Variants in MAFG observed in about 807,000 individuals in gnomAD.
MAFG encodes the protein transcription factor MafG.
A neutral mutation model predicts 12.2 loss-of-function variants in MAFG; 3 were observed. That is an observed-to-expected ratio of 0.25 (90% CI 0.11 to 0.64). The LOEUF (loss-of-function observed/expected upper bound fraction) is 0.64. MAFG is among the 30% of genes least tolerant of loss of function. The probability of loss-of-function intolerance (pLI) is 0.85; values close to 1 mark genes in which losing one functional copy is unlikely to be tolerated. For missense variants in MAFG, 153 were observed against 235.5 expected (o/e 0.65, Z 2.29); for synonymous variants, 126 against 109.1 (o/e 1.15, Z -0.96).
At chr17:81,929,027 CGGTGCCGT>C (rs2040964366), upstream of MAFG, among the ~76,000 whole-genome samples, 1 of 152,220 alleles carries the variant, frequency 6.6e-6, no homozygotes, top group Non-Finnish European at 1.5e-5. The surrounding 1 kb of genome is among the most constrained non-coding windows in gnomAD (Gnocchi z 5.7). Flanking sequence ...GCTGGAGCCA[CGGTGCCGT>C]CAGGAGCCAG....
chr17:81,927,435 C>T (rs2040950752), intron 1 of MAFG, 93 bp downstream of exon 1: 1 of 149,644 alleles, frequency 6.7e-6, no homozygotes, highest in African/African-American at 2.4e-5. Flanking sequence ...CCGCCTAGCT[C>T]CGGGAGGAGC....
chr17:81,927,466 G>A (rs1035190337), intron 1 of MAFG, 62 bp downstream of exon 1: 2 of 145,800 alleles, frequency 1.4e-5, no homozygotes, highest in South Asian at 1.8e-4. Context: ...CGCCCCCTCG[G>A]CCCCCGCCGC....
chr17:81,930,084 G>A (rs1187796283), upstream of MAFG: 1 of 152,410 alleles, frequency 6.6e-6, no homozygotes, highest in Non-Finnish European at 1.5e-5. The surrounding 1 kb of genome is among the most constrained non-coding windows in gnomAD (Gnocchi z 4.1). Context: ...GGTTCCTCCT[G>A]AGAGCAGCAG....
intron 1 of MAFG, among the ~76,000 whole-genome samples, chr17:81,927,288 C>G (rs2040949395): frequency 1.3e-5 from 2 of 151,454 alleles, no homozygotes; most frequent in Admixed American, 1.3e-4. Context: ...CCGCCGCCCG[C>G]GGCCCACCTC....
rs765240272 is a variant in MAFG at position 81,924,989 on chromosome 17, G to T, written c.-29-1775C>A. On this transcript the variant is annotated intron_variant, in intron 1 of 2. Coordinates refer to ENST00000357736, the MANE Select transcript of MAFG (RefSeq NM_002359.4). This position sits in a 1 kb window ranked among gnomAD's most constrained non-coding sequence, Gnocchi z 4.7. ...CGCAGAAGGCCTGAACTCAGCACAA[G>T]TGCAAGCCATCGCCTCCTATCAAAG... 2.0e-5 allele frequency among the ~76,000 whole-genome samples: 3 copies of T among 152,250 alleles called. No individual in the cohort carries two copies. The highest frequency in any genetic ancestry group is 6.5e-5 in the Admixed American group (1 of 15,288).
At position 81,919,282 on chromosome 17, in the gene MAFG, G is replaced by A. The variant is rs1298836088; in HGVS notation, c.*3323C>T. The A allele has an allele frequency of 6.6e-6, 1 of 152,284 alleles. No individual in the cohort carries two copies. Among genetic ancestry groups the A allele is most frequent in the African/African-American group, 2.4e-5 (1 of 41,474 alleles). 9.4% of individuals were successfully genotyped at this position (152,284 alleles called of 1,614,324 possible). A position where few individuals can be genotyped will look rare whatever the true frequency, so the allele number is the denominator to read the frequency against. ...GCGCTTTGGCCAAGTGGCCACTCCA[G>A]AGGGAGGCAGCAGGGACAACATGGG... On this transcript the variant is annotated 3_prime_UTR_variant, in exon 3 of 3. Transcript: ENST00000357736.
intron 1 of MAFG, 154 bp from the exon 2 acceptor site, chr17:81,923,368 C>G: frequency 3.6e-6 from 2 of 549,762 alleles, no homozygotes; most frequent in South Asian, 4.9e-5. Flanking sequence ...AGGAGGCAGC[C>G]CTTGGCCTCT....
In MAFG at chr17:81,926,453, C is replaced by T. The variant is rs951598195; in HGVS notation, c.-30+1075G>A. On this transcript the variant is annotated intron_variant, in intron 1 of 2. Transcript: ENST00000357736. The surrounding 1 kb of genome is among the most constrained non-coding windows in gnomAD (Gnocchi z 4.6). ...TCCCCTTTGCCGTTTCCTGGTAGAG[C>T]TGCCCCTGCTTCCTCCCTGCCCAGC... Among the ~76,000 whole-genome samples, 2 of 152,156 alleles carry T rather than the reference C, an allele frequency of 1.3e-5. No homozygotes were observed. Among genetic ancestry groups the T allele is most frequent in the African/African-American group, 2.4e-5 (1 of 41,426 alleles).
In MAFG at chr17:81,918,412, G is replaced by T; in HGVS notation, c.*4193C>A. ...ACAATAATTTAGCAATAAATACTGC[G>T]CAGGGCAGGGGTAGGGCACCAAGGC... On this transcript the variant is annotated 3_prime_UTR_variant, in exon 3 of 3. Transcript: ENST00000357736. The T allele has an allele frequency of 4.0e-6, 1 of 247,454 alleles. No homozygotes were observed. 15.3% of individuals were successfully genotyped at this position (247,454 alleles called of 1,614,324 possible).
At chr17:81,923,793 G>A (rs555209971) in intron 1 of MAFG, among the ~76,000 whole-genome samples, 11 of 152,156 alleles carry the variant, frequency 7.2e-5, no homozygotes, top group South Asian at 2.1e-4. Flanking sequence ...CCCCTGAGCC[G>A]GCCTCGGACA....
Position 81,920,512 on chromosome 17 carries a change from C to G in MAFG, c.*2093G>C, listed in dbSNP as rs1392225944. ...AGGCCAGGGCTCACATGGCCAGACA[C>G]AGGGCTGTAGCCTCTTGGAGGTGGG... On this transcript the variant is annotated 3_prime_UTR_variant, in exon 3 of 3. Transcript: ENST00000357736. The G allele has an allele frequency of 6.6e-6, 1 of 152,256 alleles. No individual in the cohort carries two copies. Among genetic ancestry groups the G allele is most frequent in the Non-Finnish European group, 1.5e-5 (1 of 68,056 alleles). 9.4% of individuals were successfully genotyped at this position (152,256 alleles called of 1,614,324 possible). A position where few individuals can be genotyped will look rare whatever the true frequency, so the allele number is the denominator to read the frequency against.
In MAFG at chr17:81,922,843, G is replaced by A. The variant is rs776022053; in HGVS notation, c.251C>T (p.Ala84Val). Residue 84 changes from alanine to valine, a missense_variant, in exon 3 of 3, where the codon GCG (alanine) becomes GTG (valine). Physicochemically the swap from Ala to Val is moderately conservative, Grantham distance 64 (BLOSUM62 0). Coordinates refer to ENST00000357736, the MANE Select transcript of MAFG (RefSeq NM_002359.4). ...CTTCTCCACCTCCTGCTGCAGCTCC[G>A]CCTTCTGCTTCTCCAGCTCCTCCTT... ...TQKEELEKQK[A>V]ELQQEVEKLA... is the part of the protein sequence containing the mutation. 6 of 1,610,154 alleles carry A rather than the reference G, an allele frequency of 3.7e-6. No individual in the cohort carries two copies. Among genetic ancestry groups the A allele is most frequent in the African/African-American group, 2.7e-5 (2 of 74,908 alleles).
At chr17:81,923,314 C>T in intron 1 of MAFG, 100 bp from the exon 2 acceptor site, 1 of 735,508 alleles carries the variant, frequency 1.4e-6, no homozygotes, top group Non-Finnish European at 2.1e-6. Flanking sequence ...GCCGCACAGC[C>T]CGCCCCAGCC....
chr17:81,930,432 G>A (rs1598349803), upstream of MAFG: 3 of 152,148 alleles, frequency 2.0e-5, no homozygotes, highest in East Asian at 3.9e-4. The surrounding 1 kb of genome is among the most constrained non-coding windows in gnomAD (Gnocchi z 4.1). Context: ...TTGGGAGGCA[G>A]TGGGAGAATC....
chr17:81,921,513 C>G lies in MAFG; in HGVS notation c.*1092G>C, dbSNP rs2040888976. 6.6e-6 allele frequency: 1 copy of G among 151,286 alleles called. No homozygotes were observed. The highest frequency in any genetic ancestry group is 1.5e-5 in the Non-Finnish European group (1 of 67,914). The allele number at this position is 151,286 out of a possible 1,614,324, so 9.4% of individuals were successfully genotyped here. A position where few individuals can be genotyped will look rare whatever the true frequency, so the allele number is the denominator to read the frequency against. On this transcript the variant is annotated 3_prime_UTR_variant, in exon 3 of 3. Transcript: ENST00000357736. ...GAGTAAGTCACTTTCGGTACAATTG[C>G]AAAAGATATCAAAGAGGACGGCCTT...
rs2040879487 is a variant in MAFG at position 81,920,597 on chromosome 17, G to A, written c.*2008C>T. 1 of 152,246 alleles carries A rather than the reference G, an allele frequency of 6.6e-6. No individual in the cohort carries two copies. Among genetic ancestry groups the A allele is most frequent in the African/African-American group, 2.4e-5 (1 of 41,446 alleles). 9.4% of individuals were successfully genotyped at this position (152,246 alleles called of 1,614,324 possible). ...GAGCCTCCTGAGCCCAGCCAGGAAG[G>A]GCAGCAGCCTCTGGCGAGGAACTGA... On this transcript the variant is annotated 3_prime_UTR_variant, in exon 3 of 3. Transcript: ENST00000357736.
In MAFG at chr17:81,919,134, G is replaced by A. The variant is rs1355209745; in HGVS notation, c.*3471C>T. 1 of 152,284 alleles carries A rather than the reference G, an allele frequency of 6.6e-6. No homozygotes were observed. Among genetic ancestry groups the A allele is most frequent in the East Asian group, 1.9e-4 (1 of 5,206 alleles). The allele number at this position is 152,284 out of a possible 1,614,324, so 9.4% of individuals were successfully genotyped here. A position where few individuals can be genotyped will look rare whatever the true frequency, so the allele number is the denominator to read the frequency against. On this transcript the variant is annotated 3_prime_UTR_variant, in exon 3 of 3. Transcript: ENST00000357736. Reference sequence around the variant, plus strand: ...CAAAAAGAATTATTCAGTGGCTTCTGGGGGAAAAATCGTTAATGTGTTGGT... The same window carrying A: ...CAAAAAGAATTATTCAGTGGCTTCTAGGGGAAAAATCGTTAATGTGTTGGT...
Position 81,923,195 on chromosome 17 carries a change from G to A in MAFG, c.-10C>T, listed in dbSNP as rs375097688. 3 of 1,595,138 alleles carry A rather than the reference G, an allele frequency of 1.9e-6. No homozygotes were observed. Among genetic ancestry groups the A allele is most frequent in the Non-Finnish European group, 2.6e-6 (3 of 1,171,408 alleles). On this transcript the variant is annotated 5_prime_UTR_variant, in exon 2 of 3. Transcript: ENST00000357736. ...TATTGGGGGTCGTCATAACCCGGGG[G>A]CACAGCGAGCAGGCGCTCTCTGCAA...
In MAFG at chr17:81,922,740, G is replaced by A; in HGVS notation, c.354C>T (p.Ala118=). 6.3e-7 allele frequency: 1 copy of A among 1,580,998 alleles called. No individual in the cohort carries two copies. Among genetic ancestry groups the A allele is most frequent in the Non-Finnish European group, 8.6e-7 (1 of 1,162,306 alleles). The change falls in exon 3 of 3, where the codon GCC becomes GCT. Residue 118 remains alanine (A), a synonymous_variant. Transcript: ENST00000357736. ...CCACGGGGCTGCGGGCCACCGTCCG[G>A]GCGAAGGTCTGCAGCGCCTCGTACT... ...RSKYEALQTF[A]RTVARSPVAP...
Sources: allele counts gnomAD v4.1 joint callset (sites outside exome capture counted in the v4.1 genomes callset), GRCh38; gene constraint gnomAD v4.1.1; non-coding constraint Gnocchi (gnomAD v3.1); transcripts MANE v1.5; gene names NCBI Gene and HGNC (gene_info 2026-07-23, HGNC 2026-07-21).